The following MARCHF6 variants were observed in gnomAD, a reference collection of about 807,000 sequenced individuals.
The protein encoded by MARCHF6 is E3 ubiquitin-protein ligase MARCHF6.
A neutral mutation model predicts 133.7 loss-of-function variants in MARCHF6; 31 were observed. The observed-to-expected ratio is 0.23, with a 90% CI of 0.17 to 0.31. The LOEUF (loss-of-function observed/expected upper bound fraction) is 0.31. Among genes scored for constraint, MARCHF6 ranks in the 10% least tolerant of loss-of-function variants. MARCHF6 has a pLI of 1.00. For synonymous variants in MARCHF6, 395 were observed against 402.5 expected, an observed-to-expected ratio of 0.98 and a Z score of 0.22; for missense variants, 723 against 1,121.6, an observed-to-expected ratio of 0.64 and a Z score of 5.08.
At chr5:10,366,939 C>G (rs191679236) in intron 1 of MARCHF6, among the ~76,000 whole-genome samples, 5 of 152,154 alleles carry the variant, frequency 3.3e-5, no homozygotes, top group African/African-American at 1.2e-4. Flanking sequence ...TTGATCACGA[C>G]CCTCAGTCTT....
At chr5:10,397,888 C>T (rs1738283982) in intron 10 of MARCHF6, among the ~76,000 whole-genome samples, 1 of 152,188 alleles carries the variant, frequency 6.6e-6, no homozygotes, top group African/African-American at 2.4e-5. Flanking sequence ...TTTGACAGCA[C>T]ACAATGGTCC....
At chr5:10,413,076 G>C (rs757564736) in intron 19 of MARCHF6, among the ~76,000 whole-genome samples, 1 of 152,170 alleles carries the variant, frequency 6.6e-6, no homozygotes, top group Non-Finnish European at 1.5e-5. Context: ...CACACTCACT[G>C]AATTGTTCTT....
chr5:10,356,929 C>T (rs1162058166), intron 1 of MARCHF6, among the ~76,000 whole-genome samples: 5 of 152,156 alleles, frequency 3.3e-5, no homozygotes, highest in Non-Finnish European at 7.4e-5. Flanking sequence ...TTTTAAAGAT[C>T]TCTAAAGTTT....
At chr5:10,405,822 C>T (rs1738850938) in intron 16 of MARCHF6, 145 bp downstream of exon 16, 1 of 604,778 alleles carries the variant, frequency 1.7e-6, no homozygotes, top group African/African-American at 1.9e-5. Flanking sequence ...ATTCAGTTGT[C>T]AAGTAGCTGT....
In MARCHF6 at chr5:10,411,490, C is replaced by T; in HGVS notation, c.1849C>T (p.Pro617Ser). Reference protein sequence around the residue: ...AHQAILQQGGPVGFQPYRRPL... With the variant: ...AHQAILQQGGSVGFQPYRRPL... ...CCAAGCCATACTCCAGCAGGGAGGG[C>T]CTGTTGGCTTTCAGCCTTACCGCCG... The change falls in exon 19 of 26, where the codon CCT (proline) becomes TCT (serine). Residue 617 changes from proline (P) to serine (S), a missense_variant. Physicochemically the swap from Pro to Ser is moderately conservative, Grantham distance 74 (BLOSUM62 -1). Transcript: ENST00000274140. 1 of 1,614,224 alleles carries T rather than the reference C, an allele frequency of 6.2e-7. No homozygotes were observed.
chr5:10,433,767 C>A lies in MARCHF6; in HGVS notation c.*83C>A. 1.8e-6 allele frequency: 2 copies of A among 1,127,210 alleles called. No individual in the cohort carries two copies. Among genetic ancestry groups the A allele is most frequent in the Non-Finnish European group, 2.7e-6 (2 of 742,622 alleles). The allele number at this position is 1,127,210 out of a possible 1,614,324, so 69.8% of individuals were successfully genotyped here. A position where few individuals can be genotyped will look rare whatever the true frequency, so the allele number is the denominator to read the frequency against. On this transcript the variant is annotated 3_prime_UTR_variant, in exon 26 of 26. Transcript: ENST00000274140. ...CTCTTTGGAGATTTTTCCCAGTGAT[C>A]TCTCAGCGTTGTTTTTAAGTTAAAT... is the stretch of plus-strand genomic sequence containing the variant.
chr5:10,390,227 T>C (rs1298085466), intron 5 of MARCHF6, 105 bp from the exon 6 acceptor site: 5 of 707,630 alleles, frequency 7.1e-6, no homozygotes, highest in Non-Finnish European at 1.2e-5. Flanking sequence ...TTCTTCTGGC[T>C]GTTTTTTTTT....
intron 5 of MARCHF6, 123 bp downstream of exon 5, chr5:10,387,189 T>C: frequency 1.6e-6 from 1 of 627,782 alleles, no homozygotes; most frequent in South Asian, 2.5e-5. Flanking sequence ...TTTATGTCTA[T>C]TACACTAACA....
At chr5:10,430,049 G>A (rs756902766) in intron 25 of MARCHF6, 21 bp downstream of exon 25, 31 of 1,597,766 alleles carry the variant, frequency 1.9e-5, no homozygotes, top group East Asian at 9.0e-5. Context: ...CGTTCTGTTC[G>A]TCTCTTGTTT....
At chr5:10,387,923 A>G (rs893128518) in intron 5 of MARCHF6, among the ~76,000 whole-genome samples, 5 of 152,154 alleles carry the variant, frequency 3.3e-5, no homozygotes, top group African/African-American at 9.7e-5. Context: ...CGGCCTCTCA[A>G]AGTGCTGGGG....
At chr5:10,371,653 A>G (rs1736468059) in intron 1 of MARCHF6, among the ~76,000 whole-genome samples, 1 of 152,240 alleles carries the variant, frequency 6.6e-6, no homozygotes, top group Non-Finnish European at 1.5e-5. Context: ...GTGGGAATTC[A>G]AGATGAGATT....
chr5:10,415,735 TA>T (rs759637168), intron 21 of MARCHF6, 66 bp downstream of exon 21: 21 of 1,412,358 alleles, frequency 1.5e-5, no homozygotes, highest in Non-Finnish European at 2.0e-5. Context: ...CCAGTCATCT[TA>T]AATTTTTTTT....
intron 24 of MARCHF6, among the ~76,000 whole-genome samples, chr5:10,428,341 T>C (rs983806117): frequency 7.1e-6 from 1 of 140,382 alleles, no homozygotes; most frequent in East Asian, 2.0e-4. Flanking sequence ...GTTTTTTTTT[T>C]TTTTTTTTTT....
intron 3 of MARCHF6, among the ~76,000 whole-genome samples, 157 bp from the exon 4 acceptor site, chr5:10,381,643 A>T (rs1263579171): frequency 6.6e-6 from 1 of 152,154 alleles, no homozygotes; most frequent in East Asian, 1.9e-4. Flanking sequence ...TCTTGGGTAA[A>T]TGTGATATTA....
intron 25 of MARCHF6, 108 bp from the exon 26 acceptor site, chr5:10,433,486 G>T: frequency 1.3e-6 from 1 of 793,744 alleles, no homozygotes; most frequent in South Asian, 1.5e-5. Context: ...CCTTTGACTT[G>T]CCCAACCATT....
intron 1 of MARCHF6, among the ~76,000 whole-genome samples, chr5:10,370,686 T>TA (rs1491377615): frequency 6.6e-6 from 1 of 152,196 alleles, no homozygotes; most frequent in Non-Finnish European, 1.5e-5. Context: ...ATTTTTTTTT[T>TA]AGTTTTCTTA....
At chr5:10,430,314 T>TTC (rs1740303282) in intron 25 of MARCHF6, among the ~76,000 whole-genome samples, 1 of 148,250 alleles carries the variant, frequency 6.7e-6, no homozygotes, top group Admixed American at 6.7e-5. Context: ...GGTTTTTTTT[T>TTC]TTTTTTTTTT....
intron 11 of MARCHF6, 112 bp from the exon 12 acceptor site, chr5:10,401,947 A>G: frequency 1.5e-6 from 1 of 689,054 alleles, no homozygotes; most frequent in South Asian, 1.8e-5. Flanking sequence ...TTTCCTGGTT[A>G]TAAATTGTCT....
chr5:10,427,196 G>A (rs949808915), intron 24 of MARCHF6, among the ~76,000 whole-genome samples: 1 of 152,138 alleles, frequency 6.6e-6, no homozygotes, highest in African/African-American at 2.4e-5. Context: ...CTGGTCTCTC[G>A]TCTCTGGAGC....
Sources: gnomAD v4.1 joint callset for allele counts (sites outside exome capture counted in the v4.1 genomes callset) on GRCh38, gnomAD v4.1.1 for gene constraint, MANE v1.5 for transcripts, NCBI Gene and HGNC (gene_info 2026-07-23, HGNC 2026-07-21) for gene names.